Variants in GLB1L3 observed in about 807,000 individuals in gnomAD.
GLB1L3 encodes beta-galactosidase-1-like protein 3.
In GLB1L3, 89 loss-of-function variants were observed where a neutral mutation model predicts 89.5. The ratio of observed to expected loss-of-function variants is 0.99; its 90% CI spans 0.84 to 1.19. The LOEUF (loss-of-function observed/expected upper bound fraction) is 1.19. GLB1L3 is among the 50% of genes most tolerant of loss of function. GLB1L3 has a pLI of 0.00. For missense variants in GLB1L3, 812 were observed against 813.3 expected (o/e 1.00, Z 0.02); for synonymous variants, 314 against 312.3 (o/e 1.01, Z -0.06).
chr11:134,288,719 CT>C, intron 6 of GLB1L3, 78 bp from the exon 7 acceptor site: 1 of 1,015,498 alleles, frequency 9.8e-7, no homozygotes, highest in Non-Finnish European at 1.5e-6. Flanking sequence ...GCTGTGCAGC[CT>C]TCGGCAGCAA....
intron 18 of GLB1L3, 80 bp from the exon 19 acceptor site, chr11:134,318,551 G>C: frequency 1.3e-6 from 1 of 792,204 alleles, no homozygotes; most frequent in Non-Finnish European, 2.2e-6. Context: ...TCTCAATCTT[G>C]CTCTCACTCT....
intron 8 of GLB1L3, chr11:134,292,796 T>G: frequency 2.4e-6 from 1 of 409,490 alleles, no homozygotes; most frequent in Non-Finnish European, 4.5e-6. Context: ...GCCTCCTTAG[T>G]AGTGGCTCTT....
chr11:134,298,432 T>G (rs916719285), intron 9 of GLB1L3, among the ~76,000 whole-genome samples: 1 of 152,168 alleles, frequency 6.6e-6, no homozygotes, highest in Non-Finnish European at 1.5e-5. Flanking sequence ...GATGAGCAAA[T>G]TGAATCCAGC....
intron 9 of GLB1L3, among the ~76,000 whole-genome samples, chr11:134,301,914 G>T: frequency 6.6e-6 from 1 of 151,884 alleles, no homozygotes; most frequent in East Asian, 1.9e-4. Context: ...TTATTTCGCT[G>T]GTCAGAAAAC....
intron 9 of GLB1L3, among the ~76,000 whole-genome samples, chr11:134,294,894 C>T (rs998003299): frequency 6.6e-6 from 1 of 152,156 alleles, no homozygotes; most frequent in African/African-American, 2.4e-5. Flanking sequence ...ACCCAAAGGC[C>T]GTCCTGCTTT....
intron 9 of GLB1L3, among the ~76,000 whole-genome samples, chr11:134,295,521 TAGA>T (rs1941584703): frequency 1.3e-5 from 2 of 152,226 alleles, no homozygotes; most frequent in Non-Finnish European, 2.9e-5. Flanking sequence ...TTAGTGTGGC[TAGA>T]AGTTTATAAT....
At chr11:134,292,985 GC>G (rs1244785305) in intron 8 of GLB1L3, 159 bp from the exon 9 acceptor site, 3 of 666,834 alleles carry the variant, frequency 4.5e-6, no homozygotes. Flanking sequence ...GGCCGTGGCA[GC>G]CCTTTGGATG....
intron 7 of GLB1L3, among the ~76,000 whole-genome samples, chr11:134,291,302 A>G (rs911663289): frequency 7.5e-6 from 1 of 133,528 alleles, no homozygotes; most frequent in African/African-American, 2.9e-5. Context: ...AGATAGTTTT[A>G]CTCTGTCACC....
chr11:134,307,890 A>G (rs1238700495), intron 10 of GLB1L3, among the ~76,000 whole-genome samples: 2 of 152,204 alleles, frequency 1.3e-5, no homozygotes, highest in Non-Finnish European at 2.9e-5. Context: ...CGTTTACTTA[A>G]TAGGCATTTG....
At chr11:134,300,570 A>G (rs796152853) in intron 9 of GLB1L3, among the ~76,000 whole-genome samples, 11 of 151,950 alleles carry the variant, frequency 7.2e-5, no homozygotes, top group African/African-American at 1.4e-4. Context: ...TCCTGACCTC[A>G]TGATCCGCCT....
intron 11 of GLB1L3, 96 bp from the exon 12 acceptor site, chr11:134,310,475 C>CA: frequency 1.2e-6 from 1 of 847,410 alleles, no homozygotes; most frequent in African/African-American, 1.7e-5. Flanking sequence ...CCTTTTGTCT[C>CA]ACTCACGGTG....
At position 134,304,806 on chromosome 11, in the gene GLB1L3, A is replaced by G. The variant is rs1219493753; in HGVS notation, c.877-2318A>G. On this transcript the variant is annotated intron_variant, in intron 9 of 19. Coordinates refer to ENST00000431683, the MANE Select transcript of GLB1L3 (RefSeq NM_001080407.3). ...TATTTTTGGGTCACAATTTTGACCT[A>G]TGCTATAGAAAGTTTTTGGTGTTCC... Among the ~76,000 whole-genome samples, 6 of 152,170 alleles carry G rather than the reference A, an allele frequency of 3.9e-5. 1 individual carries two copies. The highest frequency in any genetic ancestry group is 1.4e-4 in the African/African-American group (6 of 41,434).
chr11:134,308,491 A>ATGT (rs1294029297), intron 10 of GLB1L3, among the ~76,000 whole-genome samples: 6 of 8,194 alleles, frequency 7.3e-4, no homozygotes, highest in African/African-American at 1.8e-3. Context: ...CACCACCATC[A>ATGT]CCACCAAATA....
Position 134,313,487 on chromosome 11 carries a change from T to C in GLB1L3, c.1579+13T>C. ...AATGAGCAGAAAGGTGGGCTCTGGC[T>C]GTGGCTTCTCCTCAGTTGCTCAGAA... On this transcript the variant is annotated intron_variant, in intron 16 of 19. Coordinates refer to ENST00000431683, the MANE Select transcript of GLB1L3 (RefSeq NM_001080407.3). 1 of 1,561,514 alleles carries C rather than the reference T, an allele frequency of 6.4e-7. No individual in the cohort carries two copies. Among genetic ancestry groups the C allele is most frequent in the South Asian group, 1.2e-5 (1 of 84,772 alleles).
At position 134,276,618 on chromosome 11, in the gene GLB1L3, C is replaced by G. The variant is rs1183807236; in HGVS notation, c.-123C>G. On this transcript the variant is annotated 5_prime_UTR_variant, in exon 1 of 20. Coordinates refer to ENST00000431683, the MANE Select transcript of GLB1L3 (RefSeq NM_001080407.3). ...CGGATTTCTGCCTCGGCTGCAGGCG[C>G]AGCGCGCAGACCTGAGCCTGCCCCG... 1.1e-6 allele frequency: 1 copy of G among 905,034 alleles called. No individual in the cohort carries two copies. Among genetic ancestry groups the G allele is most frequent in the Non-Finnish European group, 1.5e-6 (1 of 684,952 alleles). 56.1% of individuals were successfully genotyped at this position (905,034 alleles called of 1,614,324 possible). A position where few individuals can be genotyped will look rare whatever the true frequency, so the allele number is the denominator to read the frequency against.
intron 5 of GLB1L3, 109 bp downstream of exon 5, chr11:134,282,229 T>C (rs1220866884): frequency 2.3e-6 from 3 of 1,325,250 alleles, no homozygotes; most frequent in South Asian, 1.5e-5. Context: ...ACGGAGCCGA[T>C]GGGAGGTGTG....
intron 9 of GLB1L3, among the ~76,000 whole-genome samples, chr11:134,306,609 A>G (rs539428297): frequency 1.3e-5 from 2 of 152,332 alleles, no homozygotes; most frequent in East Asian, 3.9e-4. Flanking sequence ...ATCACCCAGA[A>G]GAAGCTCAGC....
Position 134,312,337 on chromosome 11 carries a change from T to G in GLB1L3, c.1288-12T>G. The G allele has an allele frequency of 6.2e-7, 1 of 1,612,896 alleles. No homozygotes were observed. Among genetic ancestry groups the G allele is most frequent in the Non-Finnish European group, 8.5e-7 (1 of 1,179,646 alleles). ...GCCCTTGGACTTCTGCTCTTGCCAT[T>G]TCTCCTCATAGCCAGTCAGGTCGCG... On this transcript the variant is annotated splice_polypyrimidine_tract_variant and intron_variant, in intron 13 of 19. Transcript: ENST00000431683.
intron 9 of GLB1L3, chr11:134,305,316 G>A (rs765410241): frequency 1.4e-5 from 7 of 513,312 alleles, no homozygotes; most frequent in African/African-American, 3.9e-5. Flanking sequence ...GCACTATAGA[G>A]TATGCTTCTT....
Sources: gnomAD v4.1 joint callset for allele counts (sites outside exome capture counted in the v4.1 genomes callset) on GRCh38, gnomAD v4.1.1 for gene constraint, MANE v1.5 for transcripts, NCBI Gene and HGNC (gene_info 2026-07-23, HGNC 2026-07-21) for gene names.